SOS1: variants seen among roughly 807,000 people sequenced by gnomAD.
The protein encoded by SOS1 is SOS Ras/Rac guanine nucleotide exchange factor 1, also known as son of sevenless homolog 1.
Under a neutral mutation model 157.6 loss-of-function variants are expected in SOS1, and 25 were observed. The observed-to-expected ratio is 0.16, with a 90% CI of 0.12 to 0.22. The LOEUF is 0.22. Among genes scored for constraint, SOS1 ranks in the 10% least tolerant of loss-of-function variants. SOS1 has a pLI of 1.00. For synonymous variants in SOS1, 528 were observed against 534.0 expected, an observed-to-expected ratio of 0.99 and a Z score of 0.16; for missense variants, 1,237 against 1,599.1, an observed-to-expected ratio of 0.77 and a Z score of 3.86.
chr2:39,075,415 C>G (rs57462030), intron 1 of SOS1, among the ~76,000 whole-genome samples: 2 of 152,050 alleles, frequency 1.3e-5, no homozygotes, highest in African/African-American at 2.4e-5. Context: ...ACCTGAAATT[C>G]TTTTTTTATC....
rs1177804277 is a variant in SOS1, at chr2:38,983,673, A to C, written c.*2151T>G. ...TTTGGAATGTGCCTGGGGCAATTAA[A>C]AAGAGAAGTAATCCATGAGACATAA... On this transcript the variant is annotated 3_prime_UTR_variant, in exon 23 of 23. Transcript: ENST00000402219. The C allele has an allele frequency of 1.3e-5, 2 of 152,172 alleles. No homozygotes were observed. The highest frequency in any genetic ancestry group is 4.8e-5 in the African/African-American group (2 of 41,452). The allele number at this position is 152,172 out of a possible 1,614,324, so 9.4% of individuals were successfully genotyped here.
chr2:39,051,027 GATAA>G (rs1447141200), intron 6 of SOS1, 113 bp downstream of exon 6: 12 of 937,836 alleles, frequency 1.3e-5, no homozygotes, highest in Non-Finnish European at 1.7e-5. Context: ...AGCAATAACA[GATAA>G]ATAGTCAACA....
chr2:39,100,126 C>A (rs1191677623), intron 1 of SOS1, among the ~76,000 whole-genome samples: 1 of 152,212 alleles, frequency 6.6e-6, no homozygotes, highest in Non-Finnish European at 1.5e-5. Context: ...AATGAGATAT[C>A]ATCTCACACC....
At chr2:39,010,308 T>A (rs1164764864) in intron 15 of SOS1, among the ~76,000 whole-genome samples, 1 of 148,240 alleles carries the variant, frequency 6.7e-6, no homozygotes, top group Admixed American at 6.7e-5. Context: ...AGAGCCAGAC[T>A]CTGTCTCAAA....
chr2:39,035,168 T>C lies in SOS1; in HGVS notation c.1074+44A>G, dbSNP rs1451273913. 2.9e-6 allele frequency: 4 copies of C among 1,367,994 alleles called. No individual in the cohort carries two copies. In the Admixed American group the frequency reaches 7.2e-5, roughly 25 times the overall value. The allele number at this position is 1,367,994 out of a possible 1,614,324, so 84.7% of individuals were successfully genotyped here. On this transcript the variant is annotated intron_variant, in intron 8 of 22. Transcript: ENST00000402219. The stretch of plus-strand genomic sequence containing the variant: ...CAAATGAAGTAGCAAAAAAAAAAAT[T>C]CACACTTGAATATGTTACAAATAAC...
intron 1 of SOS1, among the ~76,000 whole-genome samples, chr2:39,091,303 T>C (rs751581421): frequency 7.2e-5 from 11 of 152,196 alleles, no homozygotes; most frequent in Non-Finnish European, 1.5e-4. Flanking sequence ...TGAGCATGTC[T>C]TACCTTTGTA....
rs553767739 is a variant in SOS1 at position 39,077,533 on chromosome 2, A to T, written c.88-9780T>A. On this transcript the variant is annotated intron_variant, in intron 1 of 22. Transcript: ENST00000402219. ...TCCTAAATTTAGAAGAGCCAAGAACAACTAAGGCACTCCTAAAGAAAAATC... is the reference window on the plus strand; with the variant it reads ...TCCTAAATTTAGAAGAGCCAAGAACTACTAAGGCACTCCTAAAGAAAAATC... 3.3e-5 allele frequency among the ~76,000 whole-genome samples: 5 copies of T among 152,258 alleles called. No individual in the cohort carries two copies. In the South Asian group the frequency reaches 1.0e-3, roughly 32 times the overall value.
chr2:39,045,236 G>A (rs915595570), intron 6 of SOS1, among the ~76,000 whole-genome samples: 6 of 25,510 alleles, frequency 2.4e-4, no homozygotes, highest in African/African-American at 8.8e-4. Context: ...GGGAATGAGA[G>A]AGAGAGGGAG....
intron 8 of SOS1, among the ~76,000 whole-genome samples, chr2:39,027,401 G>T (rs1373160896): frequency 6.6e-6 from 1 of 152,144 alleles, no homozygotes; most frequent in Admixed American, 6.5e-5. Flanking sequence ...CTTTCCTGAT[G>T]AAATACTTTT....
intron 15 of SOS1, chr2:39,007,461 T>A (rs550405082): frequency 2.4e-6 from 1 of 417,524 alleles, no homozygotes; most frequent in Non-Finnish European, 4.3e-6. Context: ...CAGAATTAAC[T>A]GGTGAGGCCA....
chr2:39,051,348 T>C, intron 5 of SOS1, 61 bp from the exon 6 acceptor site: 1 of 1,471,290 alleles, frequency 6.8e-7, no homozygotes, highest in Non-Finnish European at 9.5e-7. Flanking sequence ...TAAACAAATT[T>C]TGAGCCAATA....
At chr2:39,059,804 C>G (rs1437102619) in intron 2 of SOS1, among the ~76,000 whole-genome samples, 1 of 152,034 alleles carries the variant, frequency 6.6e-6, no homozygotes, top group East Asian at 1.9e-4. Flanking sequence ...GAGTGTAATC[C>G]ATTCAATTTT....
At chr2:39,012,469 A>C (rs1669499547) in intron 13 of SOS1, 121 bp from the exon 14 acceptor site, 1 of 378,380 alleles carries the variant, frequency 2.6e-6, no homozygotes, top group South Asian at 8.5e-5. Flanking sequence ...AAAAGTTCAA[A>C]TGATCAAAAT....
chr2:39,025,243 C>CT (rs1275569464), intron 8 of SOS1, among the ~76,000 whole-genome samples: 1 of 152,078 alleles, frequency 6.6e-6, no homozygotes, highest in Non-Finnish European at 1.5e-5. Context: ...AACATTTTAT[C>CT]AATAGAGTTT....
At position 39,085,814 on chromosome 2, in the gene SOS1, T is replaced by C. The variant is rs549726920; in HGVS notation, c.88-18061A>G. 9.8e-5 allele frequency among the ~76,000 whole-genome samples: 15 copies of C among 152,342 alleles called. No homozygotes were observed. In the East Asian group the frequency reaches 2.9e-3, roughly 29 times the overall value. On this transcript the variant is annotated intron_variant, in intron 1 of 22. Transcript: ENST00000402219. ...AAGGCTATATCCCAAATATGATATA[T>C]GCACACATTCAACAGATAGTATAAG... is the stretch of plus-strand genomic sequence containing the variant.
At chr2:39,018,928 CAGAG>C (rs574754499) in intron 10 of SOS1, among the ~76,000 whole-genome samples, 1 of 151,638 alleles carries the variant, frequency 6.6e-6, no homozygotes. Context: ...TTTAAAAAAT[CAGAG>C]AGTATAAAAA....
At chr2:39,025,516 ATTTT>A (rs200073263) in intron 8 of SOS1, among the ~76,000 whole-genome samples, 1 of 139,830 alleles carries the variant, frequency 7.2e-6, no homozygotes, top group African/African-American at 2.6e-5. Context: ...CACCTGACTG[ATTTT>A]TTTTTTTTTT....
chr2:39,067,653 T>A lies in SOS1; in HGVS notation c.188A>T (p.Gln63Leu), dbSNP rs557722218. The A allele has an allele frequency of 3.0e-5, 49 of 1,613,420 alleles. No individual in the cohort carries two copies. In the South Asian group the frequency reaches 5.4e-4, roughly 18 times the overall value. Residue 63 changes from glutamine to leucine, a missense_variant, in exon 2 of 23, where the codon CAG becomes CTG. Gln to Leu is a moderately radical substitution (Grantham distance 113). Coordinates refer to ENST00000402219, the MANE Select transcript of SOS1 (RefSeq NM_005633.4). ...CTCTACATCTGAAGCACTTCGGGGC[T>A]GAGCTTGGCATAGCATATTTAATAA... ...LQLLNMLCQA[Q>L]PRSASDVEER...
intron 1 of SOS1, chr2:39,098,090 A>T (rs7571719): frequency 0.074 from 11,320 of 152,620 alleles, 1,530 homozygotes; most frequent in African/African-American, 0.26. Context: ...ACATGATAGA[A>T]GATTTCAGAA....
Sources: gnomAD v4.1 joint callset for allele counts (sites outside exome capture counted in the v4.1 genomes callset) on GRCh38, gnomAD v4.1.1 for gene constraint, MANE v1.5 for transcripts, NCBI Gene and HGNC (gene_info 2026-07-23, HGNC 2026-07-21) for gene names.